Variants in CLEC2A observed in about 807,000 individuals in gnomAD.
CLEC2A encodes the protein C-type lectin domain family 2 member A, also known as keratinocyte-associated C-type lectin.
A neutral mutation model predicts 18.6 loss-of-function variants in CLEC2A; 19 were observed. That is an observed-to-expected ratio of 1.02 (90% confidence interval 0.71 to 1.50). CLEC2A has a LOEUF of 1.50. Among genes scored for constraint, CLEC2A ranks in the 40% most tolerant of loss-of-function variants. The pLI, the probability that CLEC2A is intolerant of heterozygous loss-of-function variation, is 0.00. For synonymous variants in CLEC2A, 74 were observed against 64.0 expected (o/e 1.16, Z -0.75); for missense variants, 190 against 207.9 (o/e 0.91, Z 0.53).
chr12:9,921,206 A>G (rs1863167455), intron 3 of CLEC2A, among the ~76,000 whole-genome samples: 1 of 152,208 alleles, frequency 6.6e-6, no homozygotes, highest in South Asian at 2.1e-4. Flanking sequence ...TTGAGCACAC[A>G]TTGTCATACA....
the CLEC2A span, among the ~76,000 whole-genome samples, chr12:9,882,109 A>G: frequency 1.3e-5 from 2 of 148,804 alleles, no homozygotes; most frequent in East Asian, 1.9e-4. Context: ...GAGAAGAGAG[A>G]AAAAAAAACA....
intron 4 of CLEC2A, among the ~76,000 whole-genome samples, chr12:9,900,878 G>C (rs1268798271): frequency 2.6e-5 from 4 of 152,062 alleles, no homozygotes; most frequent in Non-Finnish European, 4.4e-5. Context: ...ATTGTGTCCT[G>C]TTGCAAAAGA....
Position 9,913,660 on chromosome 12 carries a change from C to T in CLEC2A, c.431G>A (p.Gly144Glu). 6.5e-7 allele frequency: 1 copy of T among 1,548,208 alleles called. No homozygotes were observed. The highest frequency in any genetic ancestry group is 1.2e-5 in the South Asian group (1 of 83,800). ...ATCAGCACTCAAGAAAGCAAAGGAT[C>T]CGTTCCCTATAATTTCAAACCTGAA... ...FNGWFEIIGN[G>E]SFAFLSADGV... The change falls in exon 5 of 5, where the codon GGA becomes GAA. Residue 144 changes from glycine to glutamate, a missense_variant. By Grantham distance (98) the Gly-to-Glu change is moderately conservative. Transcript: ENST00000455827.
chr12:9,910,873 C>T, downstream of CLEC2A, among the ~76,000 whole-genome samples: 1 of 152,084 alleles, frequency 6.6e-6, no homozygotes. Flanking sequence ...TGGGACCCTT[C>T]CCCAGAGGAG....
At chr12:9,900,674 G>A (rs1862813723) in intron 4 of CLEC2A, among the ~76,000 whole-genome samples, 2 of 152,086 alleles carry the variant, frequency 1.3e-5, no homozygotes, top group South Asian at 4.1e-4. Context: ...GATAAACTTG[G>A]AGCTTCTAGA....
chr12:9,897,426 G>A (rs756972155), downstream of CLEC2A, among the ~76,000 whole-genome samples: 8 of 151,734 alleles, frequency 5.3e-5, no homozygotes, highest in Non-Finnish European at 1.2e-4. Flanking sequence ...CTTTTTCTGC[G>A]TATGTGATGC....
At chr12:9,893,360 C>A in the CLEC2A span, 1 of 843,796 alleles carries the variant, frequency 1.2e-6, no homozygotes, top group Non-Finnish European at 1.8e-6. Context: ...GGCACAGAGA[C>A]TTACACTATA....
chr12:9,931,294 T>A (rs1336168193), intron 1 of CLEC2A, among the ~76,000 whole-genome samples: 1 of 152,222 alleles, frequency 6.6e-6, no homozygotes, highest in Non-Finnish European at 1.5e-5. Flanking sequence ...TGTAGACTAA[T>A]TTTTAAAAAT....
chr12:9,886,198 A>T, the CLEC2A span, among the ~76,000 whole-genome samples: 2 of 152,200 alleles, frequency 1.3e-5, no homozygotes, highest in Admixed American at 6.5e-5. Flanking sequence ...CTAATAAATT[A>T]GTAACAATTA....
intron 4 of CLEC2A, among the ~76,000 whole-genome samples, chr12:9,901,446 A>T (rs1862828298): frequency 1.3e-5 from 2 of 152,234 alleles, no homozygotes; most frequent in African/African-American, 2.4e-5. Context: ...AACTTTAATT[A>T]TGAGTGATAG....
chr12:9,908,737 T>C (rs1862940088), downstream of CLEC2A, among the ~76,000 whole-genome samples: 1 of 152,160 alleles, frequency 6.6e-6, no homozygotes, highest in Non-Finnish European at 1.5e-5. Context: ...ATCTATTCTG[T>C]CTTTTCTCTG....
At chr12:9,898,807 C>T (rs1033864193) in exon 5 of CLEC2A, 5 of 609,244 alleles carry the variant, frequency 8.2e-6, no homozygotes, top group East Asian at 5.5e-5. Context: ...ATCTAACTGC[C>T]GTTATATTAA....
chr12:9,892,426 T>G, the CLEC2A span, among the ~76,000 whole-genome samples: 1 of 152,096 alleles, frequency 6.6e-6, no homozygotes, highest in Non-Finnish European at 1.5e-5. Context: ...ACTTTTTCAG[T>G]TGGTAATTAA....
At chr12:9,904,135 T>TAA (rs1277781484) in intron 4 of CLEC2A, among the ~76,000 whole-genome samples, 7 of 152,230 alleles carry the variant, frequency 4.6e-5, no homozygotes, top group African/African-American at 1.7e-4. Flanking sequence ...CCAGAAATGC[T>TAA]AAGTTTTCTC....
At chr12:9,885,615 CCTTTA>C in the CLEC2A span, among the ~76,000 whole-genome samples, 4 of 151,864 alleles carry the variant, frequency 2.6e-5, no homozygotes, top group Non-Finnish European at 5.9e-5. Flanking sequence ...CGTAGAAGAT[CCTTTA>C]CTTCTTAATA....
At chr12:9,896,858 A>ATTTT (rs764556099), downstream of CLEC2A, among the ~76,000 whole-genome samples, 4 of 135,950 alleles carry the variant, frequency 2.9e-5, no homozygotes, top group Non-Finnish European at 4.8e-5. Flanking sequence ...CAGTCTCTTA[A>ATTTT]TTTTTTTTTT....
chr12:9,894,642 A>G (rs1188098394), downstream of CLEC2A, among the ~76,000 whole-genome samples: 1 of 152,210 alleles, frequency 6.6e-6, no homozygotes, highest in Non-Finnish European at 1.5e-5. Context: ...TCATACTACC[A>G]AAACACTTGA....
At chr12:9,898,902 G>T in exon 5 of CLEC2A, 1 of 714,928 alleles carries the variant, frequency 1.4e-6, no homozygotes, top group South Asian at 1.5e-5. Flanking sequence ...TCCCTCAGAG[G>T]CCTATCTAAG....
chr12:9,881,922 C>A, the CLEC2A span, among the ~76,000 whole-genome samples: 11 of 151,932 alleles, frequency 7.2e-5, no homozygotes, highest in African/African-American at 2.4e-4. Context: ...ACATCACTTT[C>A]GAAGAAAAGG....
Sources: allele counts gnomAD v4.1 joint callset (sites outside exome capture counted in the v4.1 genomes callset), GRCh38; gene constraint gnomAD v4.1.1; transcripts MANE v1.5; gene names NCBI Gene and HGNC (gene_info 2026-07-23, HGNC 2026-07-21).